Variants in MUC5B observed in about 807,000 individuals in gnomAD.
The protein encoded by MUC5B is mucin 5B, oligomeric mucus/gel-forming.
A neutral mutation model predicts 376.9 loss-of-function variants in MUC5B; 116 were observed. The observed-to-expected ratio is 0.31, with a 90% CI of 0.26 to 0.36. The LOEUF (loss-of-function observed/expected upper bound fraction) is 0.36. Ranked by LOEUF, MUC5B falls within the 10% of genes least tolerant of loss-of-function variation. The pLI is 1.00. For synonymous variants in MUC5B, 3,517 were observed against 3,390.9 expected (o/e 1.04, Z -1.29); for missense variants, 7,165 against 7,769.9 (o/e 0.92, Z 2.93).
At position 1,236,534 on chromosome 11, in the gene MUC5B, T is replaced by C; in HGVS notation, c.3029T>C (p.Val1010Ala). The change falls in exon 24 of 49, where the codon GTG (valine) becomes GCG (alanine). Residue 1010 changes from valine to alanine, a missense_variant. Physicochemically the swap from Val to Ala is moderately conservative, Grantham distance 64 (BLOSUM62 0). Around this residue, in one of 31 missense-constraint regions of MUC5B, gnomAD observed 530 missense variants for 604.0 expected, o/e 0.88. Transcript: ENST00000529681. ...MAVSWDRKTS[V>A]FIRLHQDYKG... ...GTGTCCTGGGACCGGAAGACCAGCG[T>C]GTTCATCCGACTGCACCAGGACTAC... 1 of 1,612,896 alleles carries C rather than the reference T, an allele frequency of 6.2e-7. No homozygotes were observed. Among genetic ancestry groups the C allele is most frequent in the Non-Finnish European group, 8.5e-7 (1 of 1,179,792 alleles).
At chr11:1,259,529 C>A in intron 44 of MUC5B, 1 of 590,882 alleles carries the variant, frequency 1.7e-6, no homozygotes, top group Non-Finnish European at 3.0e-6. Context: ...GGGACAGGGG[C>A]TGAGGTCAGG....
chr11:1,245,416 A>G lies in MUC5B; in HGVS notation c.8536A>G (p.Ser2846Gly), dbSNP rs1352277339. ...CAGGACCACGGCCACGGCCACACCC[A>G]GCAAGACCCGCACCTCGACCCTGCT... Reference protein sequence around the residue: ...TSRTTATATPSKTRTSTLLPS... With the variant: ...TSRTTATATPGKTRTSTLLPS... Residue 2846 changes from serine (S) to glycine (G), a missense_variant, in exon 31 of 49, where the codon AGC becomes GGC. Transcript: ENST00000529681. 1 of 1,559,232 alleles carries G rather than the reference A, an allele frequency of 6.4e-7. No homozygotes were observed. The highest frequency in any genetic ancestry group is 8.7e-7 in the Non-Finnish European group (1 of 1,150,512).
At chr11:1,256,291 G>A (rs1314483191) in intron 38 of MUC5B, 66 bp downstream of exon 38, 1 of 708,180 alleles carries the variant, frequency 1.4e-6, no homozygotes, top group East Asian at 2.7e-5. Flanking sequence ...TGGGGGAGCA[G>A]GAGGAGGCCA....
At chr11:1,239,649 C>T (rs536947039) in intron 27 of MUC5B, 83 bp downstream of exon 27, 83 of 1,505,742 alleles carry the variant, frequency 5.5e-5, no homozygotes, top group East Asian at 6.9e-5. Flanking sequence ...CCCAGGGACG[C>T]GGTGTAGGCT....
At position 1,259,791 on chromosome 11, in the gene MUC5B, T is replaced by C; in HGVS notation, c.16749T>C (p.Cys5583=). ...FEYKRVAGQC[C]GECVQTACLT... ...ACAAGAGAGTGGCCGGGCAGTGCTGTGGGGAGTGCGTCCAGACCGCCTGCC... is the reference window on the plus strand; with the variant it reads ...ACAAGAGAGTGGCCGGGCAGTGCTGCGGGGAGTGCGTCCAGACCGCCTGCC... Residue 5583 remains cysteine, a synonymous_variant, in exon 45 of 49, where the codon TGT becomes TGC. Transcript: ENST00000529681. The C allele has an allele frequency of 6.2e-7, 1 of 1,612,382 alleles. No homozygotes were observed. The highest frequency in any genetic ancestry group is 8.5e-7 in the Non-Finnish European group (1 of 1,179,678).
In MUC5B at chr11:1,252,390, G is replaced by T. The variant is rs755672370; in HGVS notation, c.14911G>T (p.Ala4971Ser). 1 of 1,601,414 alleles carries T rather than the reference G, an allele frequency of 6.2e-7. No individual in the cohort carries two copies. The highest frequency in any genetic ancestry group is 8.5e-7 in the Non-Finnish European group (1 of 1,174,232). The change falls in exon 32 of 49, where the codon GCA becomes TCA. Residue 4971 changes from alanine (A) to serine (S), a missense_variant. Ala to Ser is a moderately conservative substitution (Grantham distance 99). Around this residue, in one of 31 missense-constraint regions of MUC5B, gnomAD observed 730 missense variants for 592.7 expected, o/e 1.23. Transcript: ENST00000529681. ...KTDRAGCHFY[A>S]VCNQHCDIDR... ...CGACCGAGCCGGCTGCCATTTCTAC[G>T]CAGTGTGCAATCAGCACTGTGACAT...
At position 1,236,972 on chromosome 11, in the gene MUC5B, T is replaced by C; in HGVS notation, c.3105T>C (p.Asn1035=). Residue 1035 remains asparagine (N), a synonymous_variant, in exon 25 of 49, where the codon AAT becomes AAC. Coordinates refer to ENST00000529681, the MANE Select transcript of MUC5B (RefSeq NM_002458.3). ...GGAACTTCGACGACAATGCCATCAA[T>C]GACTTTGCCACGCGTAGCCGGTCCG... The part of the protein sequence containing the change: ...LCGNFDDNAI[N]DFATRSRSVV... 6.5e-7 allele frequency: 1 copy of C among 1,542,074 alleles called. No homozygotes were observed. Among genetic ancestry groups the C allele is most frequent in the Non-Finnish European group, 8.8e-7 (1 of 1,140,916 alleles).
chr11:1,228,321 T>C (rs1161988643), intron 7 of MUC5B, among the ~76,000 whole-genome samples: 2 of 152,130 alleles, frequency 1.3e-5, no homozygotes, highest in Non-Finnish European at 2.9e-5. Flanking sequence ...GGTCTGCACC[T>C]TTCTTGGGCG....
chr11:1,229,757 C>T lies in MUC5B; in HGVS notation c.1170C>T (p.Gly390=), dbSNP rs749975881. The T allele has an allele frequency of 4.7e-5, 75 of 1,601,572 alleles. No homozygotes were observed. The Middle Eastern group carries it at 4.9e-4, about 11-fold the overall frequency. ...LPLGQCPCTH[G]GRTYSPGTSF... is the part of the protein sequence containing the mutation. ...TCGGGCAGTGCCCCTGCACCCACGG[C>T]GGCCGCACCTACAGCCCGGGCACCT... The change falls in exon 10 of 49, where the codon GGC becomes GGT. Residue 390 remains glycine (G), a synonymous_variant. Transcript: ENST00000529681.
chr11:1,240,816 G>C (rs780014224), intron 30 of MUC5B, 35 bp from the exon 31 acceptor site: 2 of 1,562,476 alleles, frequency 1.3e-6, no homozygotes, highest in Non-Finnish European at 1.7e-6. Flanking sequence ...ACTGGAGGAT[G>C]CTGAGCCAGG....
chr11:1,230,666 G>A, intron 12 of MUC5B, 66 bp downstream of exon 12: 1 of 1,407,576 alleles, frequency 7.1e-7, no homozygotes, highest in African/African-American at 1.4e-5. Flanking sequence ...TGGGGAGCAA[G>A]CACGGTCAGG....
At position 1,231,511 on chromosome 11, in the gene MUC5B, C is replaced by T. The variant is rs1418028936; in HGVS notation, c.1629C>T (p.Leu543=). Residue 543 remains leucine, a synonymous_variant, in exon 14 of 49, where the codon CTC becomes CTT. Coordinates refer to ENST00000529681, the MANE Select transcript of MUC5B (RefSeq NM_002458.3). ...GLQLLVQLVP[L]MQVFVRLDPA... ...AGCTGCTGGTGCAGCTGGTGCCACT[C>T]ATGCAGGTGTTTGTCAGGCTGGACC... 6.2e-7 allele frequency: 1 copy of T among 1,604,426 alleles called. No individual in the cohort carries two copies. Among genetic ancestry groups the T allele is most frequent in the Non-Finnish European group, 8.5e-7 (1 of 1,176,486 alleles).
At chr11:1,226,473 C>A in intron 3 of MUC5B, 142 bp from the exon 4 acceptor site, 2 of 1,323,380 alleles carry the variant, frequency 1.5e-6, no homozygotes, top group Non-Finnish European at 2.1e-6. Flanking sequence ...AAAACAGACG[C>A]AGTCCAGGGT....
In MUC5B at chr11:1,251,225, C is replaced by G. The variant is rs912541454; in HGVS notation, c.14345C>G (p.Ser4782Cys). The G allele has an allele frequency of 1.2e-6, 2 of 1,611,328 alleles. No homozygotes were observed. The highest frequency in any genetic ancestry group is 2.7e-5 in the African/African-American group (2 of 74,768). The change falls in exon 31 of 49, where the codon TCT becomes TGT. Residue 4782 changes from serine to cysteine, a missense_variant. Around this residue, in one of 31 missense-constraint regions of MUC5B, gnomAD observed 730 missense variants for 592.7 expected, o/e 1.23. Transcript: ENST00000529681. ...MSTMSTIHTSSTPETTHTSTV... is the reference protein window; with the variant it reads ...MSTMSTIHTSCTPETTHTSTV... ...ACCATGTCCACAATCCACACCTCCT[C>G]TACTCCAGAGACCACCCACACCTCC...
rs143050510 is a variant in MUC5B at position 1,261,787 on chromosome 11, C to T, written c.*179C>T. The T allele has an allele frequency of 1.5e-4, 109 of 725,072 alleles. No individual in the cohort carries two copies. In the East Asian group the frequency reaches 2.8e-3, roughly 19 times the overall value. 44.9% of individuals were successfully genotyped at this position (725,072 alleles called of 1,614,324 possible). A position where few individuals can be genotyped will look rare whatever the true frequency, so the allele number is the denominator to read the frequency against. Reference sequence around the variant, plus strand: ...CGGCCCCAGAAGGGTGAGGGGCCAGCAGGACCCCTTTCGGGAGGGCGCCAC... The same window carrying T: ...CGGCCCCAGAAGGGTGAGGGGCCAGTAGGACCCCTTTCGGGAGGGCGCCAC... On this transcript the variant is annotated 3_prime_UTR_variant, in exon 49 of 49. Transcript: ENST00000529681.
chr11:1,229,550 C>G (rs542300020), intron 9 of MUC5B, 140 bp from the exon 10 acceptor site: 1 of 832,334 alleles, frequency 1.2e-6, no homozygotes, highest in East Asian at 2.7e-5. Context: ...TTCATCCAAG[C>G]GAGTGCAGCT....
At position 1,248,282 on chromosome 11, in the gene MUC5B, C is replaced by T. The variant is rs564723638; in HGVS notation, c.11402C>T (p.Ser3801Phe). The T allele has an allele frequency of 1.9e-6, 3 of 1,600,164 alleles. No individual in the cohort carries two copies. Among genetic ancestry groups the T allele is most frequent in the Admixed American group, 1.7e-5 (1 of 59,702 alleles). The change falls in exon 31 of 49, where the codon TCC becomes TTC. Residue 3801 changes from serine to phenylalanine, a missense_variant. By Grantham distance (155) the Ser-to-Phe change is radical. Coordinates refer to ENST00000529681, the MANE Select transcript of MUC5B (RefSeq NM_002458.3). ...ATSFTAIPSSSLGTTWTRLSQ... is the reference protein window; with the variant it reads ...ATSFTAIPSSFLGTTWTRLSQ... ...AGCTTTACAGCCATCCCCTCCTCCT[C>T]CCTGGGCACCACCTGGACCCGCCTA...
rs772701081 is a variant in MUC5B, at chr11:1,236,548, C to T, written c.3043C>T (p.His1015Tyr). 6.2e-7 allele frequency: 1 copy of T among 1,612,780 alleles called. No individual in the cohort carries two copies. The highest frequency in any genetic ancestry group is 8.5e-7 in the Non-Finnish European group (1 of 1,179,750). Residue 1015 changes from histidine to tyrosine, a missense_variant, in exon 24 of 49, where the codon CAC becomes TAC. Physicochemically the swap from His to Tyr is moderately conservative, Grantham distance 83 (BLOSUM62 2). Transcript: ENST00000529681. ...GAAGACCAGCGTGTTCATCCGACTG[C>T]ACCAGGACTACAAGGTGAGCTCGGG... ...DRKTSVFIRL[H>Y]QDYKGRVCGL...
chr11:1,227,272 G>A, intron 5 of MUC5B, 36 bp from the exon 6 acceptor site: 2 of 1,586,832 alleles, frequency 1.3e-6, no homozygotes, highest in Non-Finnish European at 1.7e-6. Context: ...GGGGATCAGA[G>A]GTCCTGAGGC....
Sources: gnomAD v4.1 joint callset for allele counts (sites outside exome capture counted in the v4.1 genomes callset) on GRCh38, gnomAD v4.1.1 for gene constraint, gnomAD v4.1.1 regional missense constraint, MANE v1.5 for transcripts, NCBI Gene and HGNC (gene_info 2026-07-23, HGNC 2026-07-21) for gene names.